Variants in NXPH1 observed in about 807,000 individuals in gnomAD.
NXPH1 encodes neurexophilin 1.
A neutral mutation model predicts 23.7 loss-of-function variants in NXPH1; 5 were observed. The observed-to-expected ratio is 0.21, with a 90% confidence interval of 0.11 to 0.44. The LOEUF is 0.44. NXPH1 is among the 20% of genes least tolerant of loss of function. NXPH1 has a pLI of 0.99. For missense variants in NXPH1, 324 were observed against 321.6 expected (o/e 1.01, Z -0.06); for synonymous variants, 144 against 122.2 (o/e 1.18, Z -1.18).
At chr7:8,550,886 C>A (rs925489258) in intron 2 of NXPH1, among the ~76,000 whole-genome samples, 6 of 151,440 alleles carry the variant, frequency 4.0e-5, no homozygotes, top group African/African-American at 1.5e-4. Context: ...TCTACATGCT[C>A]CTGTTGAGCA....
rs138945468 is a variant in NXPH1, at chr7:8,634,695, T to TCC, written c.55-116312_55-116311dup. The stretch of plus-strand genomic sequence containing the variant: ...TTTTTTTTTTTTTTTTTTTTTTTTT[T>TCC]CCAAAGAGCAGCCTCACTTCACCAT... On this transcript the variant is annotated intron_variant, in intron 2 of 2. Transcript: ENST00000405863. Among the ~76,000 whole-genome samples, 12 of 135,666 alleles carry TCC rather than the reference T, an allele frequency of 8.8e-5. 1 individual carries two copies. Among genetic ancestry groups the TCC allele is most frequent in the Admixed American group, 7.8e-5 (1 of 12,890 alleles). The allele number at this position is 135,666 out of a possible 152,430, so 89.0% of individuals were successfully genotyped here.
chr7:8,590,347 T>G (rs1819066118), intron 2 of NXPH1, among the ~76,000 whole-genome samples: 1 of 151,988 alleles, frequency 6.6e-6, no homozygotes, highest in African/African-American at 2.4e-5. Context: ...AACCCTAGAG[T>G]GATCCTTCTG....
chr7:8,664,997 TC>T (rs1438222007), intron 2 of NXPH1, among the ~76,000 whole-genome samples: 1 of 152,050 alleles, frequency 6.6e-6, no homozygotes, highest in African/African-American at 2.4e-5. Context: ...GTCAATTCTT[TC>T]CTTTGCTGTC....
At chr7:8,641,067 T>C (rs76570538) in intron 2 of NXPH1, among the ~76,000 whole-genome samples, 1,692 of 152,326 alleles carry the variant, frequency 0.011, 33 homozygotes, top group African/African-American at 0.038. Context: ...CAGACTTCCA[T>C]GTAAGAACAA....
At chr7:8,721,238 A>G (rs1382513614) in intron 2 of NXPH1, among the ~76,000 whole-genome samples, 1 of 152,186 alleles carries the variant, frequency 6.6e-6, no homozygotes, top group Non-Finnish European at 1.5e-5. Flanking sequence ...ATTTATACAC[A>G]CATACATACA....
chr7:8,659,419 C>T (rs905117717), intron 2 of NXPH1, among the ~76,000 whole-genome samples: 1 of 152,106 alleles, frequency 6.6e-6, no homozygotes, highest in Non-Finnish European at 1.5e-5. Context: ...GAAGTTTGAT[C>T]ATCTGAAGCT....
intron 2 of NXPH1, among the ~76,000 whole-genome samples, chr7:8,524,397 C>G (rs1269542566): frequency 1.3e-5 from 2 of 152,112 alleles, no homozygotes; most frequent in East Asian, 3.9e-4. Context: ...AGGAGTACCT[C>G]AGGTGGGACT....
At chr7:8,506,614 A>G (rs1339675661) in intron 2 of NXPH1, among the ~76,000 whole-genome samples, 2 of 152,088 alleles carry the variant, frequency 1.3e-5, no homozygotes, top group African/African-American at 4.8e-5. Flanking sequence ...GAGAAAATAC[A>G]GCAAATAAAT....
chr7:8,632,585 C>T (rs1212381976), intron 2 of NXPH1, among the ~76,000 whole-genome samples: 1 of 152,182 alleles, frequency 6.6e-6, no homozygotes, highest in Non-Finnish European at 1.5e-5. Flanking sequence ...GGCACAGTGA[C>T]TGGAGCATGG....
chr7:8,477,889 G>T (rs1240398118), intron 2 of NXPH1, among the ~76,000 whole-genome samples: 2 of 152,120 alleles, frequency 1.3e-5, no homozygotes, highest in Non-Finnish European at 2.9e-5. Context: ...ACAATTACGT[G>T]TTTGAATTTC....
In NXPH1 at chr7:8,705,843, G is replaced by T. The variant is rs188572736; in HGVS notation, c.55-45165G>T. 1.4e-4 allele frequency among the ~76,000 whole-genome samples: 21 copies of T among 152,268 alleles called. No homozygotes were observed. In the East Asian group the frequency reaches 3.1e-3, roughly 22 times the overall value. Reference sequence around the variant, plus strand: ...TCTCTGCCATAATTCAGTCCTCAAAGATTATGGTGGCACAAATCTTGGTTA... The same window carrying T: ...TCTCTGCCATAATTCAGTCCTCAAATATTATGGTGGCACAAATCTTGGTTA... On this transcript the variant is annotated intron_variant, in intron 2 of 2. Transcript: ENST00000405863.
intron 2 of NXPH1, among the ~76,000 whole-genome samples, chr7:8,557,189 G>T (rs1286405835): frequency 1.3e-5 from 2 of 151,646 alleles, no homozygotes; most frequent in African/African-American, 4.8e-5. Context: ...TGAAACCTCT[G>T]TGATTGTGTT....
chr7:8,738,620 G>A (rs1780304238), intron 2 of NXPH1, among the ~76,000 whole-genome samples: 1 of 152,212 alleles, frequency 6.6e-6, no homozygotes, highest in African/African-American at 2.4e-5. Flanking sequence ...ACTTGAGGAG[G>A]CAGTCTGTCC....
At chr7:8,437,929 C>G (rs1816223781) in intron 2 of NXPH1, among the ~76,000 whole-genome samples, 1 of 152,208 alleles carries the variant, frequency 6.6e-6, no homozygotes, top group Non-Finnish European at 1.5e-5. Context: ...ATTTAGAAGT[C>G]CGTTCTTTTT....
In NXPH1 at chr7:8,503,008, G is replaced by A. The variant is rs1027496071; in HGVS notation, c.54+67241G>A. Among the ~76,000 whole-genome samples the A allele has an allele frequency of 3.3e-5, 5 of 151,990 alleles. No individual in the cohort carries two copies. The South Asian group carries it at 1.0e-3, about 31-fold the overall frequency. Reference sequence around the variant, plus strand: ...ACCACATATTGCAGGAGCCTGTTGAGTGCAGTGTCTTGGAACTGGGTGGGA... The same window carrying A: ...ACCACATATTGCAGGAGCCTGTTGAATGCAGTGTCTTGGAACTGGGTGGGA... On this transcript the variant is annotated intron_variant, in intron 2 of 2. Coordinates refer to ENST00000405863, the MANE Select transcript of NXPH1 (RefSeq NM_152745.3).
chr7:8,643,057 G>T (rs964162277), intron 2 of NXPH1, among the ~76,000 whole-genome samples: 3 of 151,858 alleles, frequency 2.0e-5, no homozygotes, highest in African/African-American at 7.3e-5. Context: ...TTGAGACAGG[G>T]TTTCACTATG....
chr7:8,646,788 T>C (rs1261944479), intron 2 of NXPH1, among the ~76,000 whole-genome samples: 2 of 152,110 alleles, frequency 1.3e-5, no homozygotes, highest in African/African-American at 4.8e-5. Context: ...AATTTTATTT[T>C]TATTTATGTT....
chr7:8,710,696 C>T (rs1779777811), intron 2 of NXPH1, among the ~76,000 whole-genome samples: 1 of 131,324 alleles, frequency 7.6e-6, no homozygotes, highest in South Asian at 2.5e-4. Flanking sequence ...CGCTCTGTCG[C>T]CCAGGCCGGA....
chr7:8,597,358 C>A (rs1050409066), intron 2 of NXPH1, among the ~76,000 whole-genome samples: 2 of 151,924 alleles, frequency 1.3e-5, no homozygotes, highest in African/African-American at 4.8e-5. Context: ...GGGTCCAGTG[C>A]TAGAATCTAA....
Sources: allele counts gnomAD v4.1 joint callset (sites outside exome capture counted in the v4.1 genomes callset), GRCh38; gene constraint gnomAD v4.1.1; transcripts MANE v1.5; gene names NCBI Gene and HGNC (gene_info 2026-07-23, HGNC 2026-07-21).